Variants in PLBD1 observed in about 807,000 individuals in gnomAD.
The protein encoded by PLBD1 is phospholipase B domain containing 1.
PLBD1 carries 60 observed loss-of-function variants against 63.0 expected under a neutral mutation model. That is an observed-to-expected ratio of 0.95 (90% CI 0.77 to 1.18). The LOEUF is 1.18. Ranked by LOEUF, PLBD1 falls within the 50% of genes most tolerant of loss-of-function variation. The probability of loss-of-function intolerance (pLI) is 0.00; values close to 1 mark genes in which losing one functional copy is unlikely to be tolerated. For missense variants in PLBD1, 598 were observed against 677.9 expected, an observed-to-expected ratio of 0.88 and a Z score of 1.31; for synonymous variants, 262 against 248.0, an observed-to-expected ratio of 1.06 and a Z score of -0.53.
intron 1 of PLBD1, among the ~76,000 whole-genome samples, chr12:14,554,574 G>A (rs1013454779): frequency 2.0e-5 from 3 of 151,942 alleles, no homozygotes; most frequent in East Asian, 1.9e-4. Context: ...TCCAGGCCTC[G>A]CCTTCTGGAA....
intron 1 of PLBD1, among the ~76,000 whole-genome samples, chr12:14,566,827 G>A (rs1483359889): frequency 6.6e-6 from 1 of 151,572 alleles, no homozygotes; most frequent in Non-Finnish European, 1.5e-5. Flanking sequence ...CGGGCGCGGT[G>A]GCTCATGCCT....
chr12:14,548,110 T>A (rs776301973), intron 2 of PLBD1, among the ~76,000 whole-genome samples: 6 of 152,300 alleles, frequency 3.9e-5, no homozygotes, highest in Non-Finnish European at 7.3e-5. Context: ...TCATTGGTAT[T>A]TTATGGTCAA....
At chr12:14,534,759 G>A (rs1330442433) in intron 6 of PLBD1, among the ~76,000 whole-genome samples, 1 of 152,176 alleles carries the variant, frequency 6.6e-6, no homozygotes, top group Non-Finnish European at 1.5e-5. Flanking sequence ...AGCCAGGATG[G>A]TCTCAATCTC....
rs1591991509 is a variant in PLBD1, at chr12:14,504,100, A to G, written c.1480-146T>C. The G allele has an allele frequency of 9.6e-6, 7 of 726,062 alleles. No individual in the cohort carries two copies. In the East Asian group the frequency reaches 2.0e-4, roughly 20 times the overall value. 45.0% of individuals were successfully genotyped at this position (726,062 alleles called of 1,614,324 possible). A position where few individuals can be genotyped will look rare whatever the true frequency, so the allele number is the denominator to read the frequency against. On this transcript the variant is annotated intron_variant, in intron 10 of 10. Coordinates refer to ENST00000240617, the MANE Select transcript of PLBD1 (RefSeq NM_024829.6). Reference sequence around the variant, plus strand: ...GTTTCGCTCTTGTTGCCCAGACTGGAGTACAGTGGCACAATCTCAGCTCAT... The same window carrying G: ...GTTTCGCTCTTGTTGCCCAGACTGGGGTACAGTGGCACAATCTCAGCTCAT...
At chr12:14,548,844 G>A (rs1945636024) in intron 2 of PLBD1, among the ~76,000 whole-genome samples, 1 of 151,732 alleles carries the variant, frequency 6.6e-6, no homozygotes. Context: ...TGTAATACCA[G>A]AGGAGGGAGT....
Position 14,551,067 on chromosome 12 carries a change from T to C in PLBD1, c.335+2126A>G, listed in dbSNP as rs566466783. Among the ~76,000 whole-genome samples, 82 of 147,062 alleles carry C rather than the reference T, an allele frequency of 5.6e-4. 1 individual carries two copies. Among genetic ancestry groups the C allele is most frequent in the African/African-American group, 2.0e-3 (78 of 39,686 alleles). On this transcript the variant is annotated intron_variant, in intron 2 of 10. Coordinates refer to ENST00000240617, the MANE Select transcript of PLBD1 (RefSeq NM_024829.6). ...AAAATAAATAAATAAATAAATAAAA[T>C]TTCTGCTTTAATACAGGCCTGGCGT... is the stretch of plus-strand genomic sequence containing the variant.
intron 1 of PLBD1, among the ~76,000 whole-genome samples, chr12:14,565,827 G>A (rs140051856): frequency 3.3e-5 from 5 of 152,310 alleles, no homozygotes; most frequent in African/African-American, 1.2e-4. Context: ...ACCTAGGTAA[G>A]TAAGAATCCT....
chr12:14,510,496 G>A (rs1945289016), intron 8 of PLBD1, among the ~76,000 whole-genome samples: 1 of 152,206 alleles, frequency 6.6e-6, no homozygotes, highest in South Asian at 2.1e-4. Flanking sequence ...TACCAAGTGA[G>A]CTAGGCTACC....
At chr12:14,527,891 T>C (rs1459135432) in intron 6 of PLBD1, among the ~76,000 whole-genome samples, 1 of 151,368 alleles carries the variant, frequency 6.6e-6, no homozygotes, top group African/African-American at 2.4e-5. Flanking sequence ...GGAGTGGTTA[T>C]ATTAATATAA....
intron 8 of PLBD1, among the ~76,000 whole-genome samples, chr12:14,508,118 T>C (rs540406884): frequency 2.4e-4 from 36 of 152,330 alleles, no homozygotes; most frequent in African/African-American, 8.4e-4. Context: ...AACTGAGATA[T>C]GGATGACATT....
chr12:14,519,219 G>C (rs1945357259), intron 6 of PLBD1, among the ~76,000 whole-genome samples: 1 of 152,068 alleles, frequency 6.6e-6, no homozygotes, highest in South Asian at 2.1e-4. Context: ...TTAACCCCTA[G>C]TACCTGAAAA....
intron 2 of PLBD1, among the ~76,000 whole-genome samples, chr12:14,548,457 CAAAAAAAAA>C (rs56119793): frequency 8.8e-5 from 6 of 68,372 alleles, no homozygotes; most frequent in African/African-American, 2.1e-4. Context: ...ACTCCATCTC[CAAAAAAAAA>C]AAAAAAAAAA....
At chr12:14,557,214 A>G (rs1031318901) in intron 1 of PLBD1, among the ~76,000 whole-genome samples, 2 of 152,134 alleles carry the variant, frequency 1.3e-5, no homozygotes, top group Non-Finnish European at 2.9e-5. Context: ...ATGCTTATAC[A>G]CTGTCGGTGA....
At chr12:14,550,044 C>G (rs555252334) in intron 2 of PLBD1, among the ~76,000 whole-genome samples, 1 of 152,320 alleles carries the variant, frequency 6.6e-6, no homozygotes, top group South Asian at 2.1e-4. Context: ...CCATTACATT[C>G]TGCTCAGAAT....
At chr12:14,567,512 G>T in intron 1 of PLBD1, 70 bp downstream of exon 1, 1 of 1,399,892 alleles carries the variant, frequency 7.1e-7, no homozygotes, top group Non-Finnish European at 9.2e-7. Flanking sequence ...GGCCGGACGC[G>T]GGGCACGGGC....
At chr12:14,566,470 A>G (rs1349081947) in intron 1 of PLBD1, among the ~76,000 whole-genome samples, 2 of 152,238 alleles carry the variant, frequency 1.3e-5, no homozygotes, top group African/African-American at 4.8e-5. Flanking sequence ...GAAATAAGAC[A>G]AAATTAATTC....
chr12:14,532,683 G>T (rs1250662771), intron 6 of PLBD1, among the ~76,000 whole-genome samples: 1 of 152,216 alleles, frequency 6.6e-6, no homozygotes, highest in Non-Finnish European at 1.5e-5. Context: ...GAGGAGAAGA[G>T]CCCCCAGATA....
At position 14,513,142 on chromosome 12, in the gene PLBD1, A is replaced by T. The variant is rs1360809922; in HGVS notation, c.845-1431T>A. ...GTTATTTTTTAACTGACAAGTAAAA[A>T]TTATATATATTTATGTTATACAAAA... On this transcript the variant is annotated intron_variant, in intron 6 of 10. Coordinates refer to ENST00000240617, the MANE Select transcript of PLBD1 (RefSeq NM_024829.6). Among the ~76,000 whole-genome samples the T allele has an allele frequency of 6.6e-5, 10 of 152,180 alleles. No individual in the cohort carries two copies. The East Asian group carries it at 1.7e-3, about 26-fold the overall frequency.
chr12:14,523,699 G>C (rs1030019853), intron 6 of PLBD1, among the ~76,000 whole-genome samples: 4 of 152,126 alleles, frequency 2.6e-5, no homozygotes, highest in African/African-American at 9.7e-5. Flanking sequence ...ATTGATTTTT[G>C]ACAAAGACAC....
Sources: allele counts gnomAD v4.1 joint callset (sites outside exome capture counted in the v4.1 genomes callset), GRCh38; gene constraint gnomAD v4.1.1; transcripts MANE v1.5; gene names NCBI Gene and HGNC (gene_info 2026-07-23, HGNC 2026-07-21).